Variants in RALA observed in about 807,000 individuals in gnomAD.
RALA encodes ras-related protein Ral-A.
RALA carries 5 observed loss-of-function variants against 24.0 expected under a neutral mutation model. That is an observed-to-expected ratio of 0.21 (90% confidence interval 0.11 to 0.44). RALA has a LOEUF of 0.44. Ranked by LOEUF, RALA falls within the 20% of genes least tolerant of loss-of-function variation. The pLI is 0.99. For missense variants in RALA, 95 were observed against 241.2 expected, an observed-to-expected ratio of 0.39 and a Z score of 4.01; for synonymous variants, 77 against 83.8, an observed-to-expected ratio of 0.92 and a Z score of 0.44.
intron 1 of RALA, among the ~76,000 whole-genome samples, chr7:39,628,943 A>G (rs1278849692): frequency 3.9e-5 from 6 of 152,238 alleles, no homozygotes; most frequent in Non-Finnish European, 8.8e-5. Flanking sequence ...GATAAAATAC[A>G]TAAACTAAAA....
chr7:39,631,025 T>G (rs1323018872), intron 1 of RALA, among the ~76,000 whole-genome samples: 1 of 140,010 alleles, frequency 7.1e-6, no homozygotes, highest in Non-Finnish European at 1.6e-5. Flanking sequence ...TTTTTTTTTT[T>G]GAGACAGAGT....
chr7:39,658,015 G>A (rs954052152), intron 1 of RALA, among the ~76,000 whole-genome samples: 2 of 152,150 alleles, frequency 1.3e-5, no homozygotes, highest in South Asian at 2.1e-4. Context: ...CTTTCTTTGA[G>A]TTAAGAGTAT....
intron 1 of RALA, among the ~76,000 whole-genome samples, chr7:39,657,060 C>T (rs892213214): frequency 1.5e-4 from 22 of 151,024 alleles, no homozygotes; most frequent in Admixed American, 4.0e-4. Context: ...CTCCACCTCC[C>T]GGGTTTAAGC....
At chr7:39,658,355 C>T (rs1413092115) in intron 1 of RALA, among the ~76,000 whole-genome samples, 1 of 152,116 alleles carries the variant, frequency 6.6e-6, no homozygotes, top group Non-Finnish European at 1.5e-5. Flanking sequence ...CTTCGAACAA[C>T]TAGTATAAAG....
intron 1 of RALA, among the ~76,000 whole-genome samples, chr7:39,671,820 G>A (rs1164853274): frequency 2.0e-5 from 3 of 152,258 alleles, no homozygotes; most frequent in Admixed American, 6.5e-5. Context: ...TTAGAGTAAC[G>A]TGAAAATACT....
intron 1 of RALA, among the ~76,000 whole-genome samples, chr7:39,658,863 G>A (rs971558015): frequency 1.5e-4 from 23 of 151,664 alleles, no homozygotes; most frequent in African/African-American, 2.7e-4. Context: ...AACTACAGGC[G>A]TGCGCCACCG....
intron 1 of RALA, among the ~76,000 whole-genome samples, chr7:39,676,202 C>G (rs1300380049): frequency 6.6e-6 from 1 of 152,138 alleles, no homozygotes; most frequent in Non-Finnish European, 1.5e-5. Flanking sequence ...GTCTCGATCT[C>G]CTGACCTGGT....
At chr7:39,661,737 T>G (rs761948070) in intron 1 of RALA, among the ~76,000 whole-genome samples, 7 of 152,320 alleles carry the variant, frequency 4.6e-5, no homozygotes, top group Non-Finnish European at 1.0e-4. Context: ...AGACTCATGG[T>G]GCAAGCTGTC....
At chr7:39,689,173 A>G (rs1372050028) in intron 2 of RALA, among the ~76,000 whole-genome samples, 1 of 152,148 alleles carries the variant, frequency 6.6e-6, no homozygotes, top group Non-Finnish European at 1.5e-5. Flanking sequence ...GCCAAACCAT[A>G]TCACGGGGTT....
intron 4 of RALA, chr7:39,697,477 T>C: frequency 2.2e-6 from 1 of 456,564 alleles, no homozygotes; most frequent in South Asian, 1.5e-5. Flanking sequence ...CTAGACCAGC[T>C]CCAGTATCTA....
At chr7:39,700,540 A>T (rs1213006317) in intron 4 of RALA, 1 of 152,276 alleles carries the variant, frequency 6.6e-6, no homozygotes, top group Non-Finnish European at 1.5e-5. Context: ...ACCAGGCAGA[A>T]ACCATACGGC....
intron 1 of RALA, among the ~76,000 whole-genome samples, chr7:39,653,483 C>A (rs1364414722): frequency 6.6e-6 from 1 of 151,730 alleles, no homozygotes; most frequent in Non-Finnish European, 1.5e-5. Flanking sequence ...TTCCACCATG[C>A]CTGGCCAATT....
chr7:39,699,124 T>A (rs1313634350), intron 4 of RALA, among the ~76,000 whole-genome samples: 1 of 98,256 alleles, frequency 1.0e-5, no homozygotes, highest in Non-Finnish European at 2.0e-5. Flanking sequence ...AAATGTTATT[T>A]TTTTTTTTTT....
intron 1 of RALA, among the ~76,000 whole-genome samples, chr7:39,674,090 A>T (rs1388747981): frequency 2.9e-5 from 4 of 137,368 alleles, no homozygotes; most frequent in Non-Finnish European, 4.9e-5. Context: ...AATAAATAAA[A>T]GGTTGAGGGG....
chr7:39,671,387 T>G (rs986076630), intron 1 of RALA, among the ~76,000 whole-genome samples: 1 of 152,248 alleles, frequency 6.6e-6, no homozygotes, highest in Admixed American at 6.5e-5. Context: ...TTATAAGTTT[T>G]AACTGTGGTA....
intron 1 of RALA, among the ~76,000 whole-genome samples, chr7:39,653,668 C>T (rs893982876): frequency 1.3e-5 from 2 of 152,136 alleles, no homozygotes; most frequent in Non-Finnish European, 2.9e-5. Flanking sequence ...GCAGAATTCT[C>T]CCTCACAATT....
rs1792947146 is a variant in RALA, at chr7:39,697,728, A to G, written c.498+869A>G. ...TCTAGCAAGTGCTGCATGTGCTTGT[A>G]GATTTATAACCCTGATCCAGAAAGT... On this transcript the variant is annotated intron_variant, in intron 4 of 4. Transcript: ENST00000005257. 1.3e-5 allele frequency among the ~76,000 whole-genome samples: 2 copies of G among 152,214 alleles called. 1 individual carries two copies. The highest frequency in any genetic ancestry group is 4.1e-4 in the South Asian group (2 of 4,832).
chr7:39,690,308 T>C, intron 2 of RALA, 74 bp from the exon 3 acceptor site: 1 of 1,339,110 alleles, frequency 7.5e-7, no homozygotes, highest in South Asian at 1.4e-5. Flanking sequence ...CAGCTTCACA[T>C]GAATTTATAA....
intron 1 of RALA, among the ~76,000 whole-genome samples, chr7:39,640,051 G>C (rs1242268449): frequency 6.7e-6 from 1 of 149,318 alleles, no homozygotes; most frequent in Non-Finnish European, 1.5e-5. Context: ...TCTGGTTTTT[G>C]TTTTGTTTTG....
Sources: allele counts gnomAD v4.1 joint callset (sites outside exome capture counted in the v4.1 genomes callset), GRCh38; gene constraint gnomAD v4.1.1; transcripts MANE v1.5; gene names NCBI Gene and HGNC (gene_info 2026-07-23, HGNC 2026-07-21).